The following TLN2 variants were observed in gnomAD, a reference collection of about 807,000 sequenced individuals.
TLN2 encodes talin-2.
A neutral mutation model predicts 294.7 loss-of-function variants in TLN2; 118 were observed. The observed-to-expected ratio is 0.40, with a 90% CI of 0.34 to 0.47. TLN2 has a LOEUF of 0.47. Ranked by LOEUF, TLN2 falls within the 20% of genes least tolerant of loss-of-function variation. The pLI is 0.84. For missense variants in TLN2, 3,083 were observed against 3,282.2 expected (o/e 0.94, Z 1.48); for synonymous variants, 1,431 against 1,304.5 (o/e 1.10, Z -2.09).
At chr15:62,403,240 A>G (rs290300) in intron 1 of TLN2, among the ~76,000 whole-genome samples, 92,109 of 151,426 alleles carry the variant, frequency 0.61, 29,788 homozygotes, top group East Asian at 0.81. Context: ...GAGAGGAAAA[A>G]AAAAAACAGC....
intron 1 of TLN2, among the ~76,000 whole-genome samples, chr15:62,395,920 C>CT (rs1455026954): frequency 1.3e-5 from 2 of 152,158 alleles, no homozygotes; most frequent in Non-Finnish European, 2.9e-5. Context: ...ACTGCAACCT[C>CT]TGTCTCCTGG....
chr15:62,764,928 A>T (rs1007933209), intron 40 of TLN2, among the ~76,000 whole-genome samples: 1 of 150,826 alleles, frequency 6.6e-6, no homozygotes. Context: ...CCGAGATCAC[A>T]CTGCCGCCCT....
intron 3 of TLN2, among the ~76,000 whole-genome samples, chr15:62,622,117 A>T (rs2048887918): frequency 1.3e-5 from 2 of 152,114 alleles, no homozygotes; most frequent in Admixed American, 1.3e-4. Context: ...GGGAAACATT[A>T]CCAGTTTGAT....
chr15:62,396,054 C>G (rs563001638), intron 1 of TLN2, among the ~76,000 whole-genome samples: 2 of 133,160 alleles, frequency 1.5e-5, no homozygotes, highest in South Asian at 5.3e-4. Flanking sequence ...AGGCTGGTCT[C>G]GAACTTCTGA....
At chr15:62,755,915 A>G (rs563342172) in intron 37 of TLN2, among the ~76,000 whole-genome samples, 17 of 152,304 alleles carry the variant, frequency 1.1e-4, no homozygotes, top group African/African-American at 4.1e-4. Context: ...ATGGTGGGGA[A>G]GGAGGCCTCC....
chr15:62,507,031 C>A (rs1299552313), intron 1 of TLN2, among the ~76,000 whole-genome samples: 1 of 152,104 alleles, frequency 6.6e-6, no homozygotes, highest in Non-Finnish European at 1.5e-5. Context: ...AAAACACTTG[C>A]TGAACTTTGG....
At chr15:62,445,237 T>C (rs181260556) in intron 1 of TLN2, among the ~76,000 whole-genome samples, 25 of 152,328 alleles carry the variant, frequency 1.6e-4, no homozygotes, top group African/African-American at 6.0e-4. Flanking sequence ...TGCCAGTGGA[T>C]AGGAATCACC....
chr15:62,805,568 A>AT (rs1567645237), intron 50 of TLN2, 32 bp from the exon 51 acceptor site: 4 of 1,546,448 alleles, frequency 2.6e-6, no homozygotes, highest in African/African-American at 1.4e-5. Context: ...TTCCTTTTTG[A>AT]TTTTTTTAAC....
chr15:62,392,908 T>G lies in TLN2; in HGVS notation c.-238+2223T>G, dbSNP rs975959428. On this transcript the variant is annotated intron_variant, in intron 1 of 58. Coordinates refer to ENST00000636159, the MANE Select transcript of TLN2 (RefSeq NM_015059.3). ...TCAGCCAAGATTTTACCTACCTTGA[T>G]TGCTTATTTGGGACCTCTATGCAAA... is the stretch of plus-strand genomic sequence containing the variant. Among the ~76,000 whole-genome samples the G allele has an allele frequency of 2.6e-5, 4 of 152,096 alleles. No homozygotes were observed. The East Asian group carries it at 7.7e-4, about 29-fold the overall frequency.
At chr15:62,645,822 A>G (rs137893034) in intron 3 of TLN2, among the ~76,000 whole-genome samples, 158 of 152,272 alleles carry the variant, frequency 1.0e-3, no homozygotes, top group African/African-American at 3.3e-3. Context: ...CTGCTCTAAG[A>G]TTCTATTAGC....
At chr15:62,444,915 T>C (rs369604793) in intron 1 of TLN2, among the ~76,000 whole-genome samples, 4 of 152,074 alleles carry the variant, frequency 2.6e-5, no homozygotes, top group African/African-American at 9.7e-5. Context: ...ATGTGTATGT[T>C]TGGGGGTTGG....
At chr15:62,743,176 G>T (rs2061433043) in intron 32 of TLN2, among the ~76,000 whole-genome samples, 2 of 152,090 alleles carry the variant, frequency 1.3e-5, no homozygotes, top group African/African-American at 2.4e-5. Flanking sequence ...TGGGCAGAAG[G>T]GATCTGATCA....
At chr15:62,687,519 T>C (rs1251630108) in intron 12 of TLN2, among the ~76,000 whole-genome samples, 1 of 152,256 alleles carries the variant, frequency 6.6e-6, no homozygotes, top group Non-Finnish European at 1.5e-5. Flanking sequence ...GTTAGCAGAG[T>C]ATAACTCTAT....
At chr15:62,546,507 C>G (rs959222828) in intron 1 of TLN2, among the ~76,000 whole-genome samples, 7 of 152,176 alleles carry the variant, frequency 4.6e-5, no homozygotes, top group Non-Finnish European at 1.0e-4. Flanking sequence ...GAAAGGCAAA[C>G]CAGAAAGCTG....
chr15:62,693,252 A>C (rs1283482780), intron 13 of TLN2, among the ~76,000 whole-genome samples: 1 of 152,174 alleles, frequency 6.6e-6, no homozygotes. Context: ...GAATCGCTTG[A>C]ACCTGGGAGG....
intron 2 of TLN2, among the ~76,000 whole-genome samples, chr15:62,597,968 C>T (rs2046672935): frequency 6.6e-6 from 1 of 152,148 alleles, no homozygotes; most frequent in African/African-American, 2.4e-5. Context: ...GACTTTGGAA[C>T]ATTTCAGGTT....
intron 1 of TLN2, among the ~76,000 whole-genome samples, chr15:62,562,004 A>G (rs2043004598): frequency 6.6e-6 from 1 of 151,976 alleles, no homozygotes; most frequent in South Asian, 2.1e-4. Flanking sequence ...ATTAAATGAT[A>G]CCTTTGCTTC....
At chr15:62,710,812 G>A (rs544636950) in intron 21 of TLN2, among the ~76,000 whole-genome samples, 15 of 125,794 alleles carry the variant, frequency 1.2e-4, no homozygotes, top group Admixed American at 7.5e-4. Flanking sequence ...TGCAAGCTCC[G>A]CCTCCCAGGT....
chr15:62,585,559 C>T (rs140907196), intron 1 of TLN2, among the ~76,000 whole-genome samples: 4 of 152,216 alleles, frequency 2.6e-5, no homozygotes, highest in Non-Finnish European at 5.9e-5. Flanking sequence ...CTGTTGGTGA[C>T]AGGCATTTTA....
Sources: allele counts gnomAD v4.1 joint callset (sites outside exome capture counted in the v4.1 genomes callset), GRCh38; gene constraint gnomAD v4.1.1; transcripts MANE v1.5; gene names NCBI Gene and HGNC (gene_info 2026-07-23, HGNC 2026-07-21).